Variants in ZNF503 observed in about 807,000 individuals in gnomAD.
ZNF503 encodes the protein NocA-like zinc finger 2.
A neutral mutation model predicts 34.4 loss-of-function variants in ZNF503; 15 were observed. The ratio of observed to expected loss-of-function variants is 0.44; its 90% CI spans 0.29 to 0.67. The LOEUF (loss-of-function observed/expected upper bound fraction) is 0.67. ZNF503 is among the 30% of genes least tolerant of loss of function. ZNF503 has a pLI of 0.13. For missense variants in ZNF503, 1,007 were observed against 926.8 expected, an observed-to-expected ratio of 1.09 and a Z score of -1.12; for synonymous variants, 580 against 456.8, an observed-to-expected ratio of 1.27 and a Z score of -3.44.
At chr10:75,357,138 G>A in the ZNF503 span, among the ~76,000 whole-genome samples, 1 of 151,906 alleles carries the variant, frequency 6.6e-6, no homozygotes, top group East Asian at 1.9e-4. Flanking sequence ...AAGCACAGGA[G>A]CATGGTTTGT....
the ZNF503 span, among the ~76,000 whole-genome samples, chr10:75,389,622 C>T: frequency 6.6e-6 from 1 of 152,114 alleles, no homozygotes; most frequent in Non-Finnish European, 1.5e-5. Flanking sequence ...CCCAACTACT[C>T]AGGAGGCTGA....
the ZNF503 span, among the ~76,000 whole-genome samples, chr10:75,370,773 C>A: frequency 3.8e-5 from 2 of 52,302 alleles, no homozygotes; most frequent in Admixed American, 6.4e-4. Flanking sequence ...AGAGAGGCTC[C>A]ATCTCAAAAA....
the ZNF503 span, among the ~76,000 whole-genome samples, chr10:75,344,224 C>T: frequency 2.6e-4 from 40 of 152,316 alleles, no homozygotes; most frequent in African/African-American, 8.4e-4. Context: ...GAGGGTCCCT[C>T]GGGTGGCTGG....
the ZNF503 span, chr10:75,361,704 T>C: frequency 6.6e-6 from 1 of 152,244 alleles, no homozygotes; most frequent in South Asian, 2.1e-4. Flanking sequence ...GTGTGTCTTT[T>C]TCCCTAGTTA....
chr10:75,397,500 G>T (rs1843714811), downstream of ZNF503, among the ~76,000 whole-genome samples: 1 of 152,220 alleles, frequency 6.6e-6, no homozygotes, highest in African/African-American at 2.4e-5. Flanking sequence ...AAGCTCAGGA[G>T]GGAAATTTAA....
chr10:75,344,685 CA>C, the ZNF503 span, among the ~76,000 whole-genome samples: 1 of 152,224 alleles, frequency 6.6e-6, no homozygotes, highest in Admixed American at 6.5e-5. Context: ...GAAAAGAATA[CA>C]TCTCTATTTG....
Position 75,401,494 on chromosome 10 carries a change from C to A in ZNF503, c.-75G>T. On this transcript the variant is annotated 5_prime_UTR_variant, in exon 1 of 2. Coordinates refer to ENST00000372524, the MANE Select transcript of ZNF503 (RefSeq NM_032772.6). Reference sequence around the variant, plus strand: ...CGGGGCGGGCTCGGGGCTGCGCGCTCGCCCCGGGAGCAGGAGCAGCGGGAG... The same window carrying A: ...CGGGGCGGGCTCGGGGCTGCGCGCTAGCCCCGGGAGCAGGAGCAGCGGGAG... 1 of 1,462,908 alleles carries A rather than the reference C, an allele frequency of 6.8e-7. No individual in the cohort carries two copies. The highest frequency in any genetic ancestry group is 1.3e-5 in the South Asian group (1 of 77,394). The allele number at this position is 1,462,908 out of a possible 1,614,324, so 90.6% of individuals were successfully genotyped here. A position where few individuals can be genotyped will look rare whatever the true frequency, so the allele number is the denominator to read the frequency against.
At chr10:75,314,858 T>C in the ZNF503 span, among the ~76,000 whole-genome samples, 1 of 152,236 alleles carries the variant, frequency 6.6e-6, no homozygotes, top group Non-Finnish European at 1.5e-5. Flanking sequence ...TGAGGGAGTT[T>C]ATTACTACCA....
the ZNF503 span, among the ~76,000 whole-genome samples, chr10:75,285,544 A>G: frequency 2.0e-5 from 3 of 152,254 alleles, no homozygotes; most frequent in African/African-American, 7.2e-5. Flanking sequence ...CCTTGCAGTT[A>G]GCACCTGCTA....
rs997459565 is a variant in ZNF503 at position 75,399,317 on chromosome 10, G to C, written c.1373C>G (p.Ala458Gly). 1 of 1,602,614 alleles carries C rather than the reference G, an allele frequency of 6.2e-7. No homozygotes were observed. Among genetic ancestry groups the C allele is most frequent in the Non-Finnish European group, 8.5e-7 (1 of 1,176,350 alleles). The change falls in exon 2 of 2, where the codon GCG becomes GGG. Residue 458 changes from alanine to glycine, a missense_variant. Transcript: ENST00000372524. ...SASCAHDPAA[A>G]AAALKSGYPL... Reference sequence around the variant, plus strand: ...GTATCCGGACTTCAGCGCCGCAGCCGCAGCAGCCGGATCATGTGCGCAAGA... The same window carrying C: ...GTATCCGGACTTCAGCGCCGCAGCCCCAGCAGCCGGATCATGTGCGCAAGA...
At chr10:75,365,267 C>G in the ZNF503 span, among the ~76,000 whole-genome samples, 2 of 152,208 alleles carry the variant, frequency 1.3e-5, no homozygotes. Flanking sequence ...TCTGCCTCAG[C>G]CTGCTAAGTA....
chr10:75,398,596 CGG>C lies in ZNF503; in HGVS notation c.*151_*152del, dbSNP rs1193293067. On this transcript the variant is annotated 3_prime_UTR_variant, in exon 2 of 2. Coordinates refer to ENST00000372524, the MANE Select transcript of ZNF503 (RefSeq NM_032772.6). ...CCCACCGGGTCTCGGTCGCTGCTGT[CGG>C]GTAGATAGATACGGTATACATTTCT... 3.2e-6 allele frequency: 2 copies of C among 624,926 alleles called. No individual in the cohort carries two copies. The highest frequency in any genetic ancestry group is 4.3e-5 in the Admixed American group (1 of 22,994). 38.7% of individuals were successfully genotyped at this position (624,926 alleles called of 1,614,324 possible).
At chr10:75,337,195 G>A in the ZNF503 span, among the ~76,000 whole-genome samples, 164 of 152,008 alleles carry the variant, frequency 1.1e-3, no homozygotes, top group African/African-American at 3.5e-3. Flanking sequence ...GTGGTGGTGC[G>A]TGCCTGTAGT....
chr10:75,291,292 C>T, the ZNF503 span, among the ~76,000 whole-genome samples: 1 of 152,160 alleles, frequency 6.6e-6, no homozygotes, highest in East Asian at 1.9e-4. Context: ...TAACCTAGCT[C>T]ATCTTTTTAA....
chr10:75,344,198 AC>A, the ZNF503 span, among the ~76,000 whole-genome samples: 25 of 152,224 alleles, frequency 1.6e-4, no homozygotes, highest in African/African-American at 5.1e-4. Flanking sequence ...TGAGAGGGCC[AC>A]AGGGGCTCCT....
chr10:75,298,399 T>G, the ZNF503 span, among the ~76,000 whole-genome samples: 22 of 152,236 alleles, frequency 1.4e-4, no homozygotes, highest in Admixed American at 1.4e-3. Context: ...CCTTTCTGTC[T>G]CTATGGATTT....
chr10:75,310,378 C>T, the ZNF503 span, among the ~76,000 whole-genome samples: 4 of 152,100 alleles, frequency 2.6e-5, no homozygotes, highest in African/African-American at 4.8e-5. Context: ...TGCCAAAGAG[C>T]GTAGACTAAA....
the ZNF503 span, among the ~76,000 whole-genome samples, chr10:75,382,237 A>G: frequency 1.3e-5 from 2 of 152,154 alleles, no homozygotes; most frequent in Non-Finnish European, 1.5e-5. Flanking sequence ...TGGTATGTTT[A>G]ATTAAACAAA....
At chr10:75,358,626 G>C in the ZNF503 span, 2 of 152,186 alleles carry the variant, frequency 1.3e-5, no homozygotes, top group African/African-American at 4.8e-5. Context: ...CCTACAGCAG[G>C]CCATGGAGTG....
Sources: gnomAD v4.1 joint callset for allele counts (sites outside exome capture counted in the v4.1 genomes callset) on GRCh38, gnomAD v4.1.1 for gene constraint, MANE v1.5 for transcripts, NCBI Gene and HGNC (gene_info 2026-07-23, HGNC 2026-07-21) for gene names.